Variants in PRC1 observed in about 807,000 individuals in gnomAD.
The protein encoded by PRC1 is anaphase spindle elongation 1 homolog.
Under a neutral mutation model 91.2 loss-of-function variants are expected in PRC1, and 54 were observed. That is an observed-to-expected ratio of 0.59 (90% CI 0.48 to 0.74). The LOEUF is 0.74. Ranked by LOEUF, PRC1 falls within the 30% of genes least tolerant of loss-of-function variation. The pLI is 0.00. For missense variants in PRC1, 727 were observed against 746.2 expected (o/e 0.97, Z 0.30); for synonymous variants, 275 against 263.6 (o/e 1.04, Z -0.42).
At chr15:90,989,295 T>C (rs956022798) in intron 1 of PRC1, among the ~76,000 whole-genome samples, 1 of 152,060 alleles carries the variant, frequency 6.6e-6, no homozygotes, top group Non-Finnish European at 1.5e-5. Flanking sequence ...TCACCTGGGC[T>C]GGAGTGCAGT....
In PRC1 at chr15:90,966,891, T is replaced by A; in HGVS notation, c.*240A>T. The A allele has an allele frequency of 1.8e-6, 1 of 557,864 alleles. No homozygotes were observed. The allele number at this position is 557,864 out of a possible 1,614,324, so 34.6% of individuals were successfully genotyped here. ...AAGTCAGGCCCCATATGCTAAAATTTGCACTTCTTGCCATAAACTTTTCAT... is the reference window on the plus strand; with the variant it reads ...AAGTCAGGCCCCATATGCTAAAATTAGCACTTCTTGCCATAAACTTTTCAT... On this transcript the variant is annotated 3_prime_UTR_variant, in exon 15 of 15. Coordinates refer to ENST00000394249, the MANE Select transcript of PRC1 (RefSeq NM_003981.4).
intron 8 of PRC1, 30 bp downstream of exon 8, chr15:90,979,126 AAC>A: frequency 3.1e-6 from 5 of 1,601,650 alleles, no homozygotes; most frequent in Non-Finnish European, 1.7e-6. Context: ...ATGCTTTCTT[AAC>A]AGTTAAAAAC....
intron 9 of PRC1, among the ~76,000 whole-genome samples, chr15:90,976,019 A>T (rs1444678478): frequency 6.6e-6 from 1 of 152,170 alleles, no homozygotes; most frequent in Non-Finnish European, 1.5e-5. Context: ...TCTCAGATTT[A>T]CAGCTTCTAG....
At position 90,980,787 on chromosome 15, in the gene PRC1, T is replaced by C. The variant is rs1259953991; in HGVS notation, c.822+97A>G. 3.3e-6 allele frequency: 5 copies of C among 1,532,392 alleles called. No individual in the cohort carries two copies. The East Asian group carries it at 9.0e-5, about 28-fold the overall frequency. 94.9% of individuals were successfully genotyped at this position (1,532,392 alleles called of 1,614,324 possible). On this transcript the variant is annotated intron_variant, in intron 6 of 14. Coordinates refer to ENST00000394249, the MANE Select transcript of PRC1 (RefSeq NM_003981.4). Reference sequence around the variant, plus strand: ...TCCCAAAGTGCTGGGATTAGAGGCATGAACCACTGAGCCTGGCCAAATCAA... The same window carrying C: ...TCCCAAAGTGCTGGGATTAGAGGCACGAACCACTGAGCCTGGCCAAATCAA...
At chr15:90,968,789 C>T (rs150296002) in intron 14 of PRC1, 19,770 of 1,218,650 alleles carry the variant, frequency 0.016, 218 homozygotes, top group Middle Eastern at 0.019. Flanking sequence ...CCAGCTATTG[C>T]AGGCCTTTGA....
chr15:90,967,406 A>G, intron 14 of PRC1: 1 of 583,458 alleles, frequency 1.7e-6, no homozygotes, highest in East Asian at 2.9e-5. Flanking sequence ...ATGTGCACGC[A>G]TGCCCGTGAC....
intron 1 of PRC1, among the ~76,000 whole-genome samples, chr15:90,992,107 G>T (rs2040014911): frequency 6.6e-6 from 1 of 152,054 alleles, no homozygotes; most frequent in Non-Finnish European, 1.5e-5. Context: ...ATGCTGCATG[G>T]CTTCACCCTT....
In PRC1 at chr15:90,967,964, C is replaced by G. The variant is rs931387349; in HGVS notation, c.1792-762G>C. The stretch of plus-strand genomic sequence containing the variant: ...ATCCCTGGGGCTGAGGCCTTGTAAC[C>G]TGCTGGTGATTTGATCTCATGCTGG... On this transcript the variant is annotated intron_variant, in intron 14 of 14. Transcript: ENST00000394249. The G allele has an allele frequency of 2.5e-5, 25 of 985,128 alleles. No individual in the cohort carries two copies. In the African/African-American group the frequency reaches 4.0e-4, roughly 16 times the overall value. The allele number at this position is 985,128 out of a possible 1,614,324, so 61.0% of individuals were successfully genotyped here. A position where few individuals can be genotyped will look rare whatever the true frequency, so the allele number is the denominator to read the frequency against.
Position 90,974,750 on chromosome 15 carries a change from A to T in PRC1, c.1204-19T>A, listed in dbSNP as rs2038521658. ...CTTCCAGCTGAGACCAGAAACAAGGACATGTTAATTACTTCAACTCTTTAG... is the reference window on the plus strand; with the variant it reads ...CTTCCAGCTGAGACCAGAAACAAGGTCATGTTAATTACTTCAACTCTTTAG... On this transcript the variant is annotated intron_variant, in intron 9 of 14. Transcript: ENST00000394249. This position sits in a 1 kb window ranked among gnomAD's most constrained non-coding sequence, Gnocchi z 4.6. The T allele has an allele frequency of 1.9e-6, 3 of 1,614,020 alleles. No individual in the cohort carries two copies. Among genetic ancestry groups the T allele is most frequent in the Non-Finnish European group, 2.5e-6 (3 of 1,179,900 alleles).
At chr15:90,989,250 A>G (rs2151610259) in intron 1 of PRC1, among the ~76,000 whole-genome samples, 1 of 152,062 alleles carries the variant, frequency 6.6e-6, no homozygotes, top group South Asian at 2.1e-4. Context: ...TAGTTCCTCA[A>G]TTGATTTTTT....
chr15:90,970,900 C>G (rs1013795056), intron 11 of PRC1, among the ~76,000 whole-genome samples: 18 of 152,206 alleles, frequency 1.2e-4, no homozygotes, highest in African/African-American at 3.4e-4. Context: ...AAATACCCAT[C>G]AGCAGGTAAG....
chr15:90,971,715 G>A (rs1172982924), intron 11 of PRC1, among the ~76,000 whole-genome samples: 1 of 151,846 alleles, frequency 6.6e-6, no homozygotes, highest in Non-Finnish European at 1.5e-5. Flanking sequence ...ACAAAATTAG[G>A]TGTGGTAGCA....
chr15:90,994,102 C>T (rs2040147399), intron 1 of PRC1, among the ~76,000 whole-genome samples: 1 of 152,042 alleles, frequency 6.6e-6, no homozygotes. Flanking sequence ...GAGGCCGCCC[C>T]GGGCCCCGGG....
intron 14 of PRC1, 199 bp downstream of exon 14, chr15:90,968,880 T>G: frequency 7.2e-6 from 10 of 1,390,906 alleles, no homozygotes; most frequent in South Asian, 1.6e-5. Flanking sequence ...AGAATCCAAT[T>G]CAAGTCTGAA....
intron 5 of PRC1, 46 bp downstream of exon 5, chr15:90,981,453 G>C: frequency 6.2e-7 from 1 of 1,601,906 alleles, no homozygotes; most frequent in Non-Finnish European, 8.5e-7. Context: ...TGTTCAAACT[G>C]CTATATACTA....
At position 90,979,278 on chromosome 15, in the gene PRC1, A is replaced by G. The variant is rs1343987750; in HGVS notation, c.987T>C (p.Ser329=). The change falls in exon 8 of 15, where the codon AGT becomes AGC. Residue 329 remains serine, a synonymous_variant. Transcript: ENST00000394249. ...APFCAEDYTE[S]LLQLHDAEIV... Reference sequence around the variant, plus strand: ...TCTCAGCATCGTGGAGCTGGAGCAGACTTTCTGTGTAGTCCTCTGCAAAAT... The same window carrying G: ...TCTCAGCATCGTGGAGCTGGAGCAGGCTTTCTGTGTAGTCCTCTGCAAAAT... The G allele has an allele frequency of 6.2e-7, 1 of 1,614,152 alleles. No homozygotes were observed. Among genetic ancestry groups the G allele is most frequent in the Middle Eastern group, 1.6e-4 (1 of 6,062 alleles).
In PRC1 at chr15:90,984,738, C is replaced by G. The variant is rs781528912; in HGVS notation, c.99G>C (p.Glu33Asp). 3 of 1,614,060 alleles carry G rather than the reference C, an allele frequency of 1.9e-6. No individual in the cohort carries two copies. The highest frequency in any genetic ancestry group is 2.5e-6 in the Non-Finnish European group (3 of 1,180,046). The change falls in exon 2 of 15, where the codon GAG (glutamate) becomes GAC (aspartate). Residue 33 changes from glutamate to aspartate, a missense_variant. By Grantham distance (45) the Glu-to-Asp change is conservative. Coordinates refer to ENST00000394249, the MANE Select transcript of PRC1 (RefSeq NM_003981.4). The surrounding 1 kb of genome is among the most constrained non-coding windows in gnomAD (Gnocchi z 5.1). ...CCTCAGTTCTTTGTAACCGCTGGTC[C>G]TCTGGAATCCCAATTAGCTCCCATA... The part of the protein sequence containing the change: ...REIWELIGIP[E>D]DQRLQRTEVV...
intron 14 of PRC1, chr15:90,968,224 G>T (rs1333213234): frequency 1.0e-6 from 1 of 985,314 alleles, no homozygotes; most frequent in Non-Finnish European, 1.2e-6. Flanking sequence ...CCTCTGTCCA[G>T]CAATCAGCCA....
At chr15:90,991,171 T>C (rs1229935029) in intron 1 of PRC1, among the ~76,000 whole-genome samples, 6 of 151,776 alleles carry the variant, frequency 4.0e-5, no homozygotes, top group Non-Finnish European at 8.8e-5. Context: ...ATCCCAGCAC[T>C]TTGGGAGGCC....
Sources: allele counts gnomAD v4.1 joint callset (sites outside exome capture counted in the v4.1 genomes callset), GRCh38; gene constraint gnomAD v4.1.1; non-coding constraint Gnocchi (gnomAD v3.1); transcripts MANE v1.5; gene names NCBI Gene and HGNC (gene_info 2026-07-23, HGNC 2026-07-21).